Variants in MCTP1 observed in about 807,000 individuals in gnomAD.
MCTP1 encodes the protein multiple C2 and transmembrane domain containing 1, also known as multiple C2 and transmembrane domain-containing protein 1.
MCTP1 carries 69 observed loss-of-function variants against 120.6 expected under a neutral mutation model. That is an observed-to-expected ratio of 0.57 (90% CI 0.47 to 0.70). The LOEUF (loss-of-function observed/expected upper bound fraction) is 0.70. Ranked by LOEUF, MCTP1 falls within the 30% of genes least tolerant of loss-of-function variation. The pLI, the probability that MCTP1 is intolerant of heterozygous loss-of-function variation, is 0.00. For missense variants in MCTP1, 1,203 were observed against 1,248.8 expected, an observed-to-expected ratio of 0.96 and a Z score of 0.55; for synonymous variants, 529 against 493.1, an observed-to-expected ratio of 1.07 and a Z score of -0.96.
intron 10 of MCTP1, among the ~76,000 whole-genome samples, chr5:94,896,017 T>A (rs1446513052): frequency 6.6e-6 from 1 of 152,218 alleles, no homozygotes; most frequent in Non-Finnish European, 1.5e-5. Context: ...GAAAACATCT[T>A]CCTGAAGTTA....
At chr5:95,191,353 C>G (rs918561346) in intron 1 of MCTP1, among the ~76,000 whole-genome samples, 1 of 151,966 alleles carries the variant, frequency 6.6e-6, no homozygotes, top group African/African-American at 2.4e-5. Context: ...AAAGAAACTT[C>G]TTCGAAGTGC....
chr5:95,223,481 T>C (rs897795693), intron 1 of MCTP1, among the ~76,000 whole-genome samples: 2 of 151,890 alleles, frequency 1.3e-5, no homozygotes, highest in Admixed American at 6.6e-5. Context: ...TAAAATAAAA[T>C]AAAACAAAAT....
At chr5:95,263,399 C>T (rs1339891155) in intron 1 of MCTP1, among the ~76,000 whole-genome samples, 1 of 152,122 alleles carries the variant, frequency 6.6e-6, no homozygotes, top group African/African-American at 2.4e-5. Flanking sequence ...TTCAAAGCTC[C>T]ACTAGTTTCC....
intron 18 of MCTP1, among the ~76,000 whole-genome samples, chr5:94,781,938 T>G (rs1212973019): frequency 6.6e-6 from 1 of 152,144 alleles, no homozygotes; most frequent in Non-Finnish European, 1.5e-5. Context: ...CCTCCTCCAG[T>G]GCCTTTTTAA....
At position 94,820,930 on chromosome 5, in the gene MCTP1, A is replaced by G. The variant is rs145656604; in HGVS notation, c.2437-21798T>C. On this transcript the variant is annotated intron_variant, in intron 17 of 22. Transcript: ENST00000515393. ...TAGCACTGAGATAGGCGCTTTTCAT[A>G]CTTGAGTAATAATCTTTAAAATAAC... is the stretch of plus-strand genomic sequence containing the variant. Among the ~76,000 whole-genome samples, 1,391 of 152,284 alleles carry G rather than the reference A, an allele frequency of 9.1e-3. 27 individuals are homozygous for G. Among genetic ancestry groups the G allele is most frequent in the African/African-American group, 0.031 (1,273 of 41,566 alleles).
chr5:95,247,851 G>A (rs184993026), intron 1 of MCTP1, among the ~76,000 whole-genome samples: 16 of 152,292 alleles, frequency 1.1e-4, no homozygotes, highest in African/African-American at 3.6e-4. Context: ...GTGGTACTGA[G>A]AAGAATGTAT....
At chr5:94,942,480 T>C (rs1234965465) in intron 3 of MCTP1, 53 bp from the exon 4 acceptor site, 24 of 1,256,688 alleles carry the variant, frequency 1.9e-5, no homozygotes, top group Non-Finnish European at 2.8e-5. Context: ...ATATAAGCTT[T>C]ATGTGATAAT....
intron 1 of MCTP1, among the ~76,000 whole-genome samples, chr5:95,035,572 T>C (rs963623151): frequency 1.3e-5 from 2 of 151,934 alleles, no homozygotes; most frequent in Admixed American, 1.3e-4. Flanking sequence ...TCCAAAAATA[T>C]GTAGGAAGAA....
chr5:94,990,283 C>G (rs1831276608), intron 2 of MCTP1, among the ~76,000 whole-genome samples: 1 of 152,164 alleles, frequency 6.6e-6, no homozygotes, highest in Non-Finnish European at 1.5e-5. Flanking sequence ...GTGGAAATCC[C>G]ACACATTTGG....
chr5:94,778,237 G>T (rs1002319906), intron 19 of MCTP1, among the ~76,000 whole-genome samples: 4 of 151,952 alleles, frequency 2.6e-5, no homozygotes, highest in Non-Finnish European at 5.9e-5. Context: ...TCTGGTGAAG[G>T]TAAAAAAATC....
chr5:94,805,285 C>T (rs1447506983), intron 17 of MCTP1, among the ~76,000 whole-genome samples: 1 of 151,988 alleles, frequency 6.6e-6, no homozygotes, highest in African/African-American at 2.4e-5. Context: ...AAATTTTAAC[C>T]ATAAATATTC....
chr5:95,014,771 C>A (rs530696593), intron 2 of MCTP1, among the ~76,000 whole-genome samples: 1 of 152,068 alleles, frequency 6.6e-6, no homozygotes, highest in East Asian at 1.9e-4. Flanking sequence ...ATGACTGACT[C>A]CAATTTTGAA....
chr5:95,127,097 A>G (rs995883683), intron 1 of MCTP1, among the ~76,000 whole-genome samples: 2 of 152,196 alleles, frequency 1.3e-5, no homozygotes, highest in Admixed American at 1.3e-4. Context: ...GATTTCAGAA[A>G]TATAGCAGGC....
chr5:95,272,664 G>C (rs1042674078), intron 1 of MCTP1, among the ~76,000 whole-genome samples: 7 of 152,246 alleles, frequency 4.6e-5, no homozygotes, highest in African/African-American at 1.7e-4. Flanking sequence ...CCCAGAGGCA[G>C]AGAGCATGAG....
At chr5:95,188,545 A>G (rs1367320507) in intron 1 of MCTP1, among the ~76,000 whole-genome samples, 3 of 152,212 alleles carry the variant, frequency 2.0e-5, no homozygotes, top group Non-Finnish European at 4.4e-5. Flanking sequence ...CACAGCTTAG[A>G]TAAATCTCAA....
At chr5:95,194,478 G>A (rs749337597) in intron 1 of MCTP1, among the ~76,000 whole-genome samples, 19 of 152,150 alleles carry the variant, frequency 1.2e-4, no homozygotes, top group Admixed American at 4.6e-4. Flanking sequence ...TGTGAGAAAT[G>A]ATTTGAGGGA....
intron 1 of MCTP1, among the ~76,000 whole-genome samples, chr5:95,133,770 T>C (rs139880086): frequency 6.6e-6 from 1 of 152,220 alleles, no homozygotes; most frequent in African/African-American, 2.4e-5. Flanking sequence ...TGGTTAACCA[T>C]GGGTGACTGA....
At chr5:94,945,928 G>C (rs1818797382) in intron 3 of MCTP1, among the ~76,000 whole-genome samples, 1 of 152,206 alleles carries the variant, frequency 6.6e-6, no homozygotes, top group Non-Finnish European at 1.5e-5. Flanking sequence ...TAGTAAGCAA[G>C]AGAAGAGTGC....
At chr5:95,076,135 G>A (rs1002294109) in intron 1 of MCTP1, among the ~76,000 whole-genome samples, 1 of 152,000 alleles carries the variant, frequency 6.6e-6, no homozygotes, top group Non-Finnish European at 1.5e-5. Context: ...CACAGTAAGA[G>A]ATAACAGTAA....
Sources: allele counts gnomAD v4.1 joint callset (sites outside exome capture counted in the v4.1 genomes callset), GRCh38; gene constraint gnomAD v4.1.1; transcripts MANE v1.5; gene names NCBI Gene and HGNC (gene_info 2026-07-23, HGNC 2026-07-21).